The following C1orf21 variants were observed in gnomAD, a reference collection of about 807,000 sequenced individuals.
C1orf21 encodes the protein chromosome 1 open reading frame 21.
A neutral mutation model predicts 18.7 loss-of-function variants in C1orf21; 3 were observed. The observed-to-expected ratio is 0.16, with a 90% confidence interval of 0.07 to 0.42. The LOEUF is 0.42. C1orf21 is among the 10% of genes least tolerant of loss of function. C1orf21 has a pLI of 0.99. For synonymous variants in C1orf21, 41 were observed against 46.4 expected, an observed-to-expected ratio of 0.88 and a Z score of 0.47; for missense variants, 104 against 143.6, an observed-to-expected ratio of 0.72 and a Z score of 1.41.
chr1:184,426,260 T>C (rs1404083635), intron 1 of C1orf21, among the ~76,000 whole-genome samples: 1 of 152,226 alleles, frequency 6.6e-6, no homozygotes, highest in East Asian at 1.9e-4. Context: ...ACTGGTGGTC[T>C]TCTACTTTCA....
chr1:184,400,059 AC>A (rs1327159761), intron 1 of C1orf21, among the ~76,000 whole-genome samples: 2 of 152,102 alleles, frequency 1.3e-5, no homozygotes, highest in Non-Finnish European at 2.9e-5. Context: ...GGATTTTAAC[AC>A]AATTTATGTG....
chr1:184,550,454 C>T (rs1336226071), intron 3 of C1orf21, among the ~76,000 whole-genome samples: 1 of 152,206 alleles, frequency 6.6e-6, no homozygotes, highest in African/African-American at 2.4e-5. Context: ...ACAGGAGTTA[C>T]AGCAGTAGAC....
intron 1 of C1orf21, among the ~76,000 whole-genome samples, chr1:184,410,155 C>T (rs1656309401): frequency 6.6e-6 from 1 of 152,138 alleles, no homozygotes; most frequent in South Asian, 2.1e-4. Context: ...GATAAAAGAT[C>T]TGTGAATAGC....
At chr1:184,521,743 C>T (rs905768483) in intron 3 of C1orf21, among the ~76,000 whole-genome samples, 3 of 151,794 alleles carry the variant, frequency 2.0e-5, no homozygotes, top group Non-Finnish European at 4.4e-5. Context: ...TGAAATTTAA[C>T]GTACATAAAT....
At chr1:184,600,324 G>A (rs1050478854) in intron 5 of C1orf21, among the ~76,000 whole-genome samples, 20 of 151,960 alleles carry the variant, frequency 1.3e-4, no homozygotes, top group South Asian at 2.1e-4. Context: ...GTGTCACCAC[G>A]CCCAGCTAAT....
intron 3 of C1orf21, chr1:184,566,582 C>T (rs914008624): frequency 3.8e-5 from 14 of 373,286 alleles, no homozygotes; most frequent in Non-Finnish European, 6.2e-5. Flanking sequence ...GTTTCTTCTC[C>T]AAACCAAGAC....
intron 1 of C1orf21, among the ~76,000 whole-genome samples, chr1:184,439,232 A>C (rs555591778): frequency 6.6e-6 from 1 of 151,744 alleles, no homozygotes; most frequent in Non-Finnish European, 1.5e-5. Flanking sequence ...CCAAAACCAA[A>C]ACAAAACTGT....
In C1orf21 at chr1:184,410,617, TTATATATATATA is replaced by T. The variant is rs1162356586; in HGVS notation, c.-125+23285_-125+23296del. On this transcript the variant is annotated intron_variant, in intron 1 of 5. Coordinates refer to ENST00000235307, the MANE Select transcript of C1orf21 (RefSeq NM_030806.4). ...GTGAAAGATTAATTTGCCATATATA[TTATATATATATA>T]TATATATATATATATATATATATAT... Among the ~76,000 whole-genome samples, 96 of 21,162 alleles carry T rather than the reference TTATATATATATA, an allele frequency of 4.5e-3. 12 individuals carry two copies. The highest frequency in any genetic ancestry group is 5.3e-3 in the Non-Finnish European group (77 of 14,556). The allele number at this position is 21,162 out of a possible 152,430, so 13.9% of individuals were successfully genotyped here. A position where few individuals can be genotyped will look rare whatever the true frequency, so the allele number is the denominator to read the frequency against.
At chr1:184,426,251 C>T (rs1656635274) in intron 1 of C1orf21, among the ~76,000 whole-genome samples, 1 of 152,232 alleles carries the variant, frequency 6.6e-6, no homozygotes, top group Non-Finnish European at 1.5e-5. Flanking sequence ...AGTCTCCTAA[C>T]TGGTGGTCTT....
intron 3 of C1orf21, among the ~76,000 whole-genome samples, chr1:184,555,885 C>G (rs1171810486): frequency 6.6e-6 from 1 of 152,188 alleles, no homozygotes; most frequent in South Asian, 2.1e-4. Flanking sequence ...CGCCCACTGG[C>G]CCTCCAGGCC....
chr1:184,623,535 G>A lies in C1orf21; in HGVS notation c.*3979G>A, dbSNP rs1446301200. The A allele has an allele frequency of 6.6e-6, 1 of 152,194 alleles. No individual in the cohort carries two copies. The highest frequency in any genetic ancestry group is 1.5e-5 in the Non-Finnish European group (1 of 68,030). 9.4% of individuals were successfully genotyped at this position (152,194 alleles called of 1,614,324 possible). ...GGCATGATTGGTGGGGAGGGAATGT[G>A]TATTTAGGGGCATAATAAAAAGGTG... On this transcript the variant is annotated 3_prime_UTR_variant, in exon 6 of 6. Coordinates refer to ENST00000235307, the MANE Select transcript of C1orf21 (RefSeq NM_030806.4).
chr1:184,603,657 T>C (rs934825203), intron 5 of C1orf21, among the ~76,000 whole-genome samples: 55 of 152,108 alleles, frequency 3.6e-4, no homozygotes, highest in African/African-American at 1.3e-3. Flanking sequence ...TAGCCAGGCC[T>C]GATAGTGCAC....
At chr1:184,556,299 A>T (rs569185168) in intron 3 of C1orf21, among the ~76,000 whole-genome samples, 1 of 152,312 alleles carries the variant, frequency 6.6e-6, no homozygotes, top group East Asian at 1.9e-4. Flanking sequence ...CTTTCATACC[A>T]GGTATACTCC....
chr1:184,397,514 A>T (rs1424262695), intron 1 of C1orf21, among the ~76,000 whole-genome samples: 1 of 151,190 alleles, frequency 6.6e-6, no homozygotes, highest in Non-Finnish European at 1.5e-5. Flanking sequence ...TGAACCCAGG[A>T]GGCAGAGCTT....
At chr1:184,445,812 G>T (rs778996662) in intron 1 of C1orf21, among the ~76,000 whole-genome samples, 7 of 151,976 alleles carry the variant, frequency 4.6e-5, no homozygotes, top group Non-Finnish European at 7.4e-5. Context: ...TGTTACATAG[G>T]GATAATGGTG....
chr1:184,417,885 CAG>C (rs1656480057), intron 1 of C1orf21, among the ~76,000 whole-genome samples: 3 of 152,184 alleles, frequency 2.0e-5, no homozygotes, highest in African/African-American at 7.2e-5. Flanking sequence ...CCAGGTCTGA[CAG>C]GGGATGGGGT....
At chr1:184,564,132 A>AC (rs1659001505) in intron 3 of C1orf21, among the ~76,000 whole-genome samples, 1 of 152,160 alleles carries the variant, frequency 6.6e-6, no homozygotes, top group African/African-American at 2.4e-5. Context: ...CCTCTGAGAG[A>AC]CCTTAGGCAA....
chr1:184,393,482 T>G (rs35021091), intron 1 of C1orf21, among the ~76,000 whole-genome samples: 9,019 of 152,296 alleles, frequency 0.059, 335 homozygotes, highest in Non-Finnish European at 0.071. Flanking sequence ...ACATACTTTA[T>G]ACCTTGTAGA....
intron 1 of C1orf21, among the ~76,000 whole-genome samples, chr1:184,390,021 C>T (rs1161168719): frequency 6.6e-6 from 1 of 152,208 alleles, no homozygotes; most frequent in East Asian, 1.9e-4. Context: ...TCCAGCTCTA[C>T]TTTGAGGGTG....
Sources: allele counts gnomAD v4.1 joint callset (sites outside exome capture counted in the v4.1 genomes callset), GRCh38; gene constraint gnomAD v4.1.1; transcripts MANE v1.5; gene names NCBI Gene and HGNC (gene_info 2026-07-23, HGNC 2026-07-21).